CARF: variants seen among roughly 807,000 people sequenced by gnomAD.
The protein encoded by CARF is calcium-responsive transcription factor.
CARF carries 57 observed loss-of-function variants against 82.0 expected under a neutral mutation model. That is an observed-to-expected ratio of 0.70 (90% CI 0.56 to 0.87). CARF has a LOEUF of 0.87. Among genes scored for constraint, CARF ranks in the 40% least tolerant of loss-of-function variants. The pLI is 0.00. For synonymous variants in CARF, 268 were observed against 290.1 expected (o/e 0.92, Z 0.77); for missense variants, 771 against 855.8 (o/e 0.90, Z 1.24).
chr2:202,958,903 C>CAAA (rs36028794), intron 8 of CARF, among the ~76,000 whole-genome samples: 66 of 88,926 alleles, frequency 7.4e-4, no homozygotes, highest in African/African-American at 2.4e-3. Flanking sequence ...GACTCCGTCT[C>CAAA]AAAAAAAAAA....
chr2:202,966,128 A>G (rs79642273), intron 9 of CARF, among the ~76,000 whole-genome samples: 13,582 of 152,168 alleles, frequency 0.089, 742 homozygotes, highest in Non-Finnish European at 0.12. Context: ...TACCCAAATG[A>G]TAGTTACAGT....
chr2:202,980,662 A>ATATATATATATAT (rs2060223733), intron 14 of CARF, among the ~76,000 whole-genome samples: 14 of 115,040 alleles, frequency 1.2e-4, no homozygotes, highest in Non-Finnish European at 2.0e-4. Context: ...ATATATATAT[A>ATATATATATATAT]GTTGTGCCTC....
At chr2:202,980,659 T>TATATATATATAC (rs2060222526) in intron 14 of CARF, among the ~76,000 whole-genome samples, 1 of 124,838 alleles carries the variant, frequency 8.0e-6, no homozygotes, top group African/African-American at 3.0e-5. Context: ...TATATATATA[T>TATATATATATAC]ATAGTTGTGC....
intron 5 of CARF, 21 bp downstream of exon 5, chr2:202,942,988 A>G: frequency 6.3e-7 from 1 of 1,596,958 alleles, no homozygotes; most frequent in South Asian, 1.1e-5. Context: ...TTTATAAGTA[A>G]CCAGTTTTAT....
chr2:202,940,972 T>C (rs1292982932), intron 3 of CARF, among the ~76,000 whole-genome samples: 1 of 152,084 alleles, frequency 6.6e-6, no homozygotes, highest in Non-Finnish European at 1.5e-5. Context: ...TTTTACAGTA[T>C]CTATTTGCCA....
In CARF at chr2:202,986,250, G is replaced by C. The variant is rs1446811849; in HGVS notation, c.*2626G>C. 6.6e-6 allele frequency: 1 copy of C among 151,974 alleles called. No individual in the cohort carries two copies. The highest frequency in any genetic ancestry group is 1.5e-5 in the Non-Finnish European group (1 of 67,950). 9.4% of individuals were successfully genotyped at this position (151,974 alleles called of 1,614,324 possible). A position where few individuals can be genotyped will look rare whatever the true frequency, so the allele number is the denominator to read the frequency against. On this transcript the variant is annotated 3_prime_UTR_variant, in exon 17 of 17. Coordinates refer to ENST00000438828, the MANE Select transcript of CARF (RefSeq NM_024744.17). ...CAATGTATCAGTATTGTGTTTAAAG[G>C]TGCTCAGCATCACTTTTTGAAAACT...
At chr2:202,920,193 C>T (rs1241150631) in intron 2 of CARF, among the ~76,000 whole-genome samples, 42 of 148,894 alleles carry the variant, frequency 2.8e-4, no homozygotes, top group African/African-American at 6.7e-4. Flanking sequence ...CTCGCTCTGT[C>T]GCCCAGGCTG....
At position 202,942,913 on chromosome 2, in the gene CARF, T is replaced by C; in HGVS notation, c.252T>C (p.Asn84=). The part of the protein sequence containing the change: ...SAEQFHLVDQ[N]GQAIQYELQS... ...AGCAATTCCATCTAGTGGACCAAAA[T>C]GGGCAGGCTATTCAATATGAACTTC... Residue 84 remains asparagine, a synonymous_variant, in exon 5 of 17, where the codon AAT becomes AAC. Coordinates refer to ENST00000438828, the MANE Select transcript of CARF (RefSeq NM_024744.17). 1.9e-6 allele frequency: 3 copies of C among 1,614,106 alleles called. 1 individual carries two copies. Among genetic ancestry groups the C allele is most frequent in the South Asian group, 1.1e-5 (1 of 91,072 alleles).
In CARF at chr2:202,912,325, G is replaced by C. The variant is rs998363662; in HGVS notation, c.-1107G>C. ...GGCGGGGCCTCGGAGCCAAGACGAG[G>C]TTGAGTAGACTCGTTTTGAATTTTC... On this transcript the variant is annotated 5_prime_UTR_variant, in exon 1 of 17. Coordinates refer to ENST00000438828, the MANE Select transcript of CARF (RefSeq NM_024744.17). 2.6e-5 allele frequency: 4 copies of C among 152,226 alleles called. No homozygotes were observed. Among genetic ancestry groups the C allele is most frequent in the Non-Finnish European group, 5.9e-5 (4 of 68,070 alleles). 9.4% of individuals were successfully genotyped at this position (152,226 alleles called of 1,614,324 possible). A position where few individuals can be genotyped will look rare whatever the true frequency, so the allele number is the denominator to read the frequency against.
rs569852590 is a variant in CARF, at chr2:202,936,461, A to T, written c.-43-5399A>T. 4.5e-4 allele frequency among the ~76,000 whole-genome samples: 68 copies of T among 152,298 alleles called. No homozygotes were observed. In the South Asian group the frequency reaches 0.014, roughly 32 times the overall value. ...TTCCCTCAAGCCTCTGGCATCCACC[A>T]GTCTACTTTCTTTCTCTATGGATTT... On this transcript the variant is annotated intron_variant, in intron 3 of 16. Transcript: ENST00000438828.
rs1306160038 is a variant in CARF at position 202,918,000 on chromosome 2, G to C, written c.-206G>C. On this transcript the variant is annotated 5_prime_UTR_variant, in exon 2 of 17. Transcript: ENST00000438828. ...AGAAAGGACATTTCTGGGGGTAGTA[G>C]AATGCTTGAGGCCTGGAATTTAAAC... 2.2e-6 allele frequency: 1 copy of C among 451,118 alleles called. No individual in the cohort carries two copies. Among genetic ancestry groups the C allele is most frequent in the African/African-American group, 2.0e-5 (1 of 49,842 alleles). 27.9% of individuals were successfully genotyped at this position (451,118 alleles called of 1,614,324 possible). A position where few individuals can be genotyped will look rare whatever the true frequency, so the allele number is the denominator to read the frequency against.
At chr2:202,969,870 C>T (rs2059712447) in intron 10 of CARF, 49 bp from the exon 11 acceptor site, 1 of 1,195,218 alleles carries the variant, frequency 8.4e-7, no homozygotes, top group Non-Finnish European at 1.1e-6. Flanking sequence ...GATAGATTAT[C>T]TTGAGATTAT....
intron 5 of CARF, among the ~76,000 whole-genome samples, chr2:202,948,164 G>A (rs530886367): frequency 1.3e-5 from 2 of 152,244 alleles, no homozygotes; most frequent in South Asian, 4.1e-4. Context: ...AATGGTTGCA[G>A]GTGTGCAGCC....
intron 3 of CARF, among the ~76,000 whole-genome samples, chr2:202,927,800 CTTT>C (rs766636748): frequency 3.0e-4 from 41 of 137,960 alleles, no homozygotes; most frequent in African/African-American, 7.1e-4. Context: ...ATCTAGCTGT[CTTT>C]TTTTTTTTTT....
Position 202,939,692 on chromosome 2 carries a change from T to C in CARF, c.-43-2168T>C, listed in dbSNP as rs530782579. ...TACCCATTGCCTTTTTTTCTTTTTT[T>C]TTTTTTTTTTTTTTGAGACAGGGTC... On this transcript the variant is annotated intron_variant, in intron 3 of 16. Transcript: ENST00000438828. Among the ~76,000 whole-genome samples the C allele has an allele frequency of 4.2e-3, 610 of 145,306 alleles. 3 individuals carry two copies. The highest frequency in any genetic ancestry group is 8.2e-3 in the South Asian group (37 of 4,534).
At chr2:202,960,993 C>G (rs2059296424) in intron 8 of CARF, among the ~76,000 whole-genome samples, 1 of 152,058 alleles carries the variant, frequency 6.6e-6, no homozygotes, top group African/African-American at 2.4e-5. Flanking sequence ...TCTAAATATT[C>G]TTTGTCTCAA....
chr2:202,969,946 T>C lies in CARF; in HGVS notation c.981T>C (p.Phe327=), dbSNP rs1187311415. The C allele has an allele frequency of 2.0e-6, 3 of 1,536,772 alleles. No individual in the cohort carries two copies. The South Asian group carries it at 3.8e-5, about 20-fold the overall frequency. The part of the protein sequence containing the change: ...ARIYIKKVQK[F]PEYRVPTDPK... ...TTTACATTAAAAAGGTACAGAAGTT[T>C]CCTGAATATAGAGTTCCTACAGACC... is the stretch of plus-strand genomic sequence containing the variant. Residue 327 remains phenylalanine (F), a synonymous_variant, in exon 11 of 17, where the codon TTT becomes TTC. Coordinates refer to ENST00000438828, the MANE Select transcript of CARF (RefSeq NM_024744.17).
chr2:202,914,277 T>A (rs1292055774), intron 1 of CARF, among the ~76,000 whole-genome samples: 1 of 152,170 alleles, frequency 6.6e-6, no homozygotes, highest in African/African-American at 2.4e-5. Context: ...GTTTTTTGTT[T>A]TATATATATA....
chr2:202,952,474 G>A, intron 5 of CARF, 85 bp from the exon 6 acceptor site: 1 of 1,229,658 alleles, frequency 8.1e-7, no homozygotes, highest in Non-Finnish European at 1.1e-6. Context: ...AGCTAGGTAT[G>A]TGTTTAATAA....
Sources: gnomAD v4.1 joint callset for allele counts (sites outside exome capture counted in the v4.1 genomes callset) on GRCh38, gnomAD v4.1.1 for gene constraint, MANE v1.5 for transcripts, NCBI Gene and HGNC (gene_info 2026-07-23, HGNC 2026-07-21) for gene names.